The following DTL variants were observed in gnomAD, a reference collection of about 807,000 sequenced individuals.
The protein encoded by DTL is denticleless protein homolog.
In DTL, 46 loss-of-function variants were observed where a neutral mutation model predicts 87.0. That is an observed-to-expected ratio of 0.53 (90% confidence interval 0.42 to 0.68). The LOEUF (loss-of-function observed/expected upper bound fraction) is 0.68, where lower values mean the gene tolerates loss of function less well. Ranked by LOEUF, DTL falls within the 30% of genes least tolerant of loss-of-function variation. The pLI, the probability that DTL is intolerant of heterozygous loss-of-function variation, is 0.00. For synonymous variants in DTL, 308 were observed against 311.2 expected, an observed-to-expected ratio of 0.99 and a Z score of 0.11; for missense variants, 737 against 869.4, an observed-to-expected ratio of 0.85 and a Z score of 1.91.
At chr1:212,044,632 T>G in intron 2 of DTL, 28 bp from the exon 3 acceptor site, 4 of 1,414,864 alleles carry the variant, frequency 2.8e-6, no homozygotes, top group Non-Finnish European at 2.0e-6. Flanking sequence ...TGTTACTCTA[T>G]ATATTTTTTT....
At chr1:212,069,188 A>G (rs1038342156) in intron 10 of DTL, among the ~76,000 whole-genome samples, 3 of 152,024 alleles carry the variant, frequency 2.0e-5, no homozygotes, top group African/African-American at 7.2e-5. Flanking sequence ...CTTTAAAAAT[A>G]GAATCTGATA....
intron 11 of DTL, among the ~76,000 whole-genome samples, chr1:212,077,177 G>T (rs899310359): frequency 2.6e-5 from 4 of 152,106 alleles, no homozygotes; most frequent in African/African-American, 7.2e-5. Flanking sequence ...ACTTCTCTCA[G>T]CCCCAACCTC....
At position 212,080,601 on chromosome 1, in the gene DTL, G is replaced by T. The variant is rs749826216; in HGVS notation, c.1126-14G>T. ...TTGAAATTTCTTAATTCCCTTCTTGGTACTCCCTCTTAGATTGCTACCTGT... is the reference window on the plus strand; with the variant it reads ...TTGAAATTTCTTAATTCCCTTCTTGTTACTCCCTCTTAGATTGCTACCTGT... On this transcript the variant is annotated splice_polypyrimidine_tract_variant and intron_variant, in intron 12 of 14. Transcript: ENST00000366991. 3.7e-6 allele frequency: 6 copies of T among 1,600,178 alleles called. No individual in the cohort carries two copies. Among genetic ancestry groups the T allele is most frequent in the Non-Finnish European group, 5.1e-6 (6 of 1,174,662 alleles).
At chr1:212,059,286 G>A (rs1668267340) in intron 5 of DTL, among the ~76,000 whole-genome samples, 1 of 150,610 alleles carries the variant, frequency 6.6e-6, no homozygotes, top group African/African-American at 2.4e-5. Flanking sequence ...CTAGCAAACT[G>A]AATTCAACAG....
chr1:212,038,607 A>G lies in DTL; in HGVS notation c.52+2665A>G, dbSNP rs374592558. ...CTTTACTGTATGCTGGATGTGTTCT[A>G]TTTTTACTATTCCATTTCCCTAGGT... On this transcript the variant is annotated intron_variant, in intron 1 of 14. Transcript: ENST00000366991. Among the ~76,000 whole-genome samples the G allele has an allele frequency of 1.8e-4, 28 of 152,190 alleles. 1 individual carries two copies. Among genetic ancestry groups the G allele is most frequent in the African/African-American group, 6.3e-4 (26 of 41,512 alleles).
chr1:212,102,905 G>A lies in DTL; in HGVS notation c.2158G>A (p.Asp720Asn), dbSNP rs1352195422. The change falls in exon 15 of 15, where the codon GAC becomes AAC. Residue 720 changes from aspartate to asparagine, a missense_variant. Coordinates refer to ENST00000366991, the MANE Select transcript of DTL (RefSeq NM_016448.4). ...ATACTTCCATAGAAAGTCCCAGGAG[G>A]ACTTCTGTGGTCCTGAACACTCAAC... Reference protein sequence around the residue: ...CTYFHRKSQEDFCGPEHSTEL With the variant: ...CTYFHRKSQENFCGPEHSTEL 2 of 1,611,510 alleles carry A rather than the reference G, an allele frequency of 1.2e-6. No individual in the cohort carries two copies. Among genetic ancestry groups the A allele is most frequent in the South Asian group, 2.2e-5 (2 of 90,956 alleles).
chr1:212,052,606 C>T (rs1333192684), intron 5 of DTL, among the ~76,000 whole-genome samples: 1 of 146,976 alleles, frequency 6.8e-6, no homozygotes, highest in Non-Finnish European at 1.5e-5. Context: ...CACTGCACTC[C>T]ACACTCCAGC....
rs1390659705 is a variant in DTL at position 212,057,359 on chromosome 1, A to AG, written c.461-5524dup. ...GAGATGATATATTCAACATGCTTAA[A>AG]GAAAAAAAAAAAAACCTGCCACCCA... On this transcript the variant is annotated intron_variant, in intron 5 of 14. Transcript: ENST00000366991. Among the ~76,000 whole-genome samples, 4 of 90,724 alleles carry AG rather than the reference A, an allele frequency of 4.4e-5. No homozygotes were observed. In the South Asian group the frequency reaches 1.0e-3, roughly 24 times the overall value. 59.5% of individuals were successfully genotyped at this position (90,724 alleles called of 152,430 possible). A position where few individuals can be genotyped will look rare whatever the true frequency, so the allele number is the denominator to read the frequency against.
intron 1 of DTL, among the ~76,000 whole-genome samples, chr1:212,040,459 C>T (rs920381618): frequency 6.6e-6 from 1 of 152,152 alleles, no homozygotes; most frequent in Non-Finnish European, 1.5e-5. Context: ...AAGAGATTAA[C>T]AATAACTAAT....
At chr1:212,039,789 CAT>C (rs1384637859) in intron 1 of DTL, among the ~76,000 whole-genome samples, 2 of 152,088 alleles carry the variant, frequency 1.3e-5, no homozygotes, top group Non-Finnish European at 2.9e-5. Context: ...TGTATTTAAA[CAT>C]AGAAAAGGTT....
chr1:212,084,358 G>C (rs924189602), intron 13 of DTL, among the ~76,000 whole-genome samples: 1 of 151,680 alleles, frequency 6.6e-6, no homozygotes, highest in Non-Finnish European at 1.5e-5. Flanking sequence ...GCTAATTTTT[G>C]TATTTTTAGT....
chr1:212,079,919 G>C (rs1322588856), intron 12 of DTL, among the ~76,000 whole-genome samples: 1 of 152,134 alleles, frequency 6.6e-6, no homozygotes, highest in Non-Finnish European at 1.5e-5. Context: ...AAATGCTGGG[G>C]AACAGCTCTG....
intron 13 of DTL, among the ~76,000 whole-genome samples, chr1:212,087,549 C>CA (rs369051935): frequency 0.074 from 9,641 of 130,948 alleles, 671 homozygotes; most frequent in African/African-American, 0.2. Context: ...AACTCTGTCT[C>CA]AAAAAAAAAA....
At chr1:212,057,635 A>G (rs1168886810) in intron 5 of DTL, among the ~76,000 whole-genome samples, 2 of 152,174 alleles carry the variant, frequency 1.3e-5, no homozygotes, top group East Asian at 3.8e-4. Flanking sequence ...ACCGAATACC[A>G]TGAAACCATA....
chr1:212,039,097 C>A (rs1269540564), intron 1 of DTL, among the ~76,000 whole-genome samples: 1 of 152,120 alleles, frequency 6.6e-6, no homozygotes, highest in Non-Finnish European at 1.5e-5. Context: ...CTCTGTCATA[C>A]CCTTCTGTGT....
At chr1:212,062,055 A>T (rs1038235293) in intron 5 of DTL, among the ~76,000 whole-genome samples, 5 of 152,304 alleles carry the variant, frequency 3.3e-5, no homozygotes, top group Admixed American at 6.5e-5. Context: ...TACCCCAGAT[A>T]CCCTGACTTG....
At chr1:212,049,685 C>T (rs901031389) in intron 5 of DTL, among the ~76,000 whole-genome samples, 6 of 152,202 alleles carry the variant, frequency 3.9e-5, no homozygotes, top group African/African-American at 1.4e-4. Context: ...GCTCCACTCA[C>T]TCCATCAGCC....
At chr1:212,092,555 G>C (rs1432249469) in intron 13 of DTL, among the ~76,000 whole-genome samples, 1 of 151,790 alleles carries the variant, frequency 6.6e-6, no homozygotes, top group Admixed American at 6.6e-5. Context: ...AAAGATAATG[G>C]TCTCCAACTC....
chr1:212,069,541 G>A (rs557902967), intron 10 of DTL, among the ~76,000 whole-genome samples: 44 of 151,478 alleles, frequency 2.9e-4, no homozygotes, highest in African/African-American at 9.7e-4. Context: ...TGTAGATATA[G>A]ATATAAATTT....
Sources: allele counts gnomAD v4.1 joint callset (sites outside exome capture counted in the v4.1 genomes callset), GRCh38; gene constraint gnomAD v4.1.1; transcripts MANE v1.5; gene names NCBI Gene and HGNC (gene_info 2026-07-23, HGNC 2026-07-21).